DLG2: variants seen among roughly 807,000 people sequenced by gnomAD.
DLG2 encodes the protein disks large homolog 2.
A neutral mutation model predicts 132.5 loss-of-function variants in DLG2; 45 were observed. The ratio of observed to expected loss-of-function variants is 0.34; its 90% CI spans 0.27 to 0.44. The LOEUF (loss-of-function observed/expected upper bound fraction) is 0.44. DLG2 is among the 20% of genes least tolerant of loss of function. DLG2 has a pLI of 1.00. For synonymous variants in DLG2, 424 were observed against 419.6 expected, an observed-to-expected ratio of 1.01 and a Z score of -0.13; for missense variants, 1,045 against 1,196.9, an observed-to-expected ratio of 0.87 and a Z score of 1.87.
chr11:83,615,906 C>A (rs921800038), intron 19 of DLG2, among the ~76,000 whole-genome samples: 1 of 152,154 alleles, frequency 6.6e-6, no homozygotes, highest in Admixed American at 6.5e-5. Context: ...TAGTGGACAT[C>A]TGATATACAA....
chr11:84,258,256 T>A (rs563799605), intron 7 of DLG2, among the ~76,000 whole-genome samples: 3 of 152,196 alleles, frequency 2.0e-5, no homozygotes, highest in East Asian at 3.9e-4. Flanking sequence ...ACATCGATGG[T>A]TGTGTAAGAG....
intron 6 of DLG2, among the ~76,000 whole-genome samples, chr11:84,733,559 T>A (rs1226784837): frequency 6.6e-6 from 1 of 152,216 alleles, no homozygotes; most frequent in Non-Finnish European, 1.5e-5. Flanking sequence ...ATGAGTAGAT[T>A]GCAAAAATTT....
At chr11:84,006,413 C>T (rs954466656) in intron 11 of DLG2, among the ~76,000 whole-genome samples, 1 of 151,516 alleles carries the variant, frequency 6.6e-6, no homozygotes, top group African/African-American at 2.4e-5. Flanking sequence ...ATGTATTGTA[C>T]ATTTCAAAGT....
At chr11:83,817,024 T>C (rs1489466304) in intron 17 of DLG2, among the ~76,000 whole-genome samples, 1 of 152,162 alleles carries the variant, frequency 6.6e-6, no homozygotes, top group East Asian at 1.9e-4. Flanking sequence ...AGATCTTTAC[T>C]CAGAATCTAC....
At chr11:83,697,931 T>C (rs2082211946) in intron 18 of DLG2, among the ~76,000 whole-genome samples, 1 of 152,234 alleles carries the variant, frequency 6.6e-6, no homozygotes, top group Non-Finnish European at 1.5e-5. Context: ...GTTTGGCTCA[T>C]GGTCTCTGAA....
At chr11:84,484,413 T>A (rs1252359318) in intron 7 of DLG2, among the ~76,000 whole-genome samples, 2 of 152,148 alleles carry the variant, frequency 1.3e-5, no homozygotes, top group Non-Finnish European at 2.9e-5. Flanking sequence ...CATCTTAGAA[T>A]TTAAGGATAC....
chr11:84,653,571 C>T (rs542144999), intron 6 of DLG2, among the ~76,000 whole-genome samples: 1 of 152,122 alleles, frequency 6.6e-6, no homozygotes, highest in Non-Finnish European at 1.5e-5. Context: ...TACATGGTCA[C>T]CTTGAACTGC....
intron 6 of DLG2, among the ~76,000 whole-genome samples, chr11:84,593,416 T>G (rs1408750156): frequency 1.3e-5 from 2 of 151,952 alleles, no homozygotes; most frequent in African/African-American, 4.8e-5. Context: ...AATGATAGAC[T>G]AGAAAAAGAA....
At chr11:83,571,575 C>T (rs996441276) in intron 19 of DLG2, among the ~76,000 whole-genome samples, 5 of 137,802 alleles carry the variant, frequency 3.6e-5, no homozygotes, top group African/African-American at 1.1e-4. Flanking sequence ...TACTGTTATT[C>T]GAGCGAGACT....
intron 7 of DLG2, among the ~76,000 whole-genome samples, chr11:84,268,636 T>C (rs2097678675): frequency 9.8e-6 from 1 of 102,410 alleles, no homozygotes; most frequent in Non-Finnish European, 2.3e-5. Context: ...TAATTTTTTG[T>C]ATTTTTAGTA....
intron 7 of DLG2, among the ~76,000 whole-genome samples, chr11:84,486,982 A>G (rs1411671780): frequency 1.3e-5 from 2 of 152,156 alleles, no homozygotes; most frequent in Non-Finnish European, 2.9e-5. Context: ...CAACAAAAAT[A>G]ATGGTAAGAC....
chr11:84,527,541 G>A (rs1282839172), intron 7 of DLG2, among the ~76,000 whole-genome samples: 1 of 152,074 alleles, frequency 6.6e-6, no homozygotes, highest in Non-Finnish European at 1.5e-5. Context: ...CTAATTTCCA[G>A]CAAAGCTTCC....
At chr11:85,416,333 T>C (rs1424795316) in intron 3 of DLG2, among the ~76,000 whole-genome samples, 1 of 152,232 alleles carries the variant, frequency 6.6e-6, no homozygotes, top group Non-Finnish European at 1.5e-5. Context: ...CATGCTGTTT[T>C]GGTTACTGTA....
At chr11:83,583,950 T>C (rs751047525) in intron 19 of DLG2, among the ~76,000 whole-genome samples, 1 of 152,200 alleles carries the variant, frequency 6.6e-6, no homozygotes, top group Non-Finnish European at 1.5e-5. Flanking sequence ...CAGGCTCCAT[T>C]GAATCATGAA....
At chr11:84,423,145 A>G (rs1007139371) in intron 7 of DLG2, among the ~76,000 whole-genome samples, 2 of 152,102 alleles carry the variant, frequency 1.3e-5, no homozygotes, top group African/African-American at 2.4e-5. Context: ...CAGAGTTTTC[A>G]TTTGGTATGA....
chr11:85,201,448 C>T (rs960999296), intron 4 of DLG2, among the ~76,000 whole-genome samples: 3 of 151,966 alleles, frequency 2.0e-5, no homozygotes, highest in African/African-American at 7.3e-5. Context: ...TCCCACACAG[C>T]CCTGGTATCT....
chr11:85,109,820 C>T (rs626531), intron 6 of DLG2, among the ~76,000 whole-genome samples: 100,046 of 151,894 alleles, frequency 0.66, 33,852 homozygotes, highest in East Asian at 0.93. Flanking sequence ...TGAAAACACA[C>T]GTTCTATGGT....
At chr11:83,633,407 C>G in intron 18 of DLG2, 82 bp from the exon 19 acceptor site, 1 of 1,141,694 alleles carries the variant, frequency 8.8e-7, no homozygotes, top group Non-Finnish European at 1.3e-6. Flanking sequence ...CAGCCCCTCA[C>G]CCACGTTGTT....
intron 6 of DLG2, among the ~76,000 whole-genome samples, chr11:84,969,406 C>A (rs1370554582): frequency 6.6e-6 from 1 of 152,136 alleles, no homozygotes; most frequent in East Asian, 1.9e-4. Flanking sequence ...ACCACAGTGG[C>A]TCTCATTCTC....
Sources: gnomAD v4.1 joint callset for allele counts (sites outside exome capture counted in the v4.1 genomes callset) on GRCh38, gnomAD v4.1.1 for gene constraint, MANE v1.5 for transcripts, NCBI Gene and HGNC (gene_info 2026-07-23, HGNC 2026-07-21) for gene names.